ANXA2: variants seen among roughly 807,000 people sequenced by gnomAD.
The protein encoded by ANXA2 is annexin II.
Under a neutral mutation model 47.3 loss-of-function variants are expected in ANXA2, and 28 were observed. The ratio of observed to expected loss-of-function variants is 0.59; its 90% CI spans 0.44 to 0.81. ANXA2 has a LOEUF of 0.81. Ranked by LOEUF, ANXA2 falls within the 40% of genes least tolerant of loss-of-function variation. The pLI is 0.00. For synonymous variants in ANXA2, 172 were observed against 155.5 expected, an observed-to-expected ratio of 1.11 and a Z score of -0.79; for missense variants, 384 against 414.3, an observed-to-expected ratio of 0.93 and a Z score of 0.64.
intron 7 of ANXA2, among the ~76,000 whole-genome samples, chr15:60,354,633 A>AAG (rs1361182451): frequency 1.3e-5 from 2 of 151,142 alleles, no homozygotes; most frequent in African/African-American, 4.9e-5. Flanking sequence ...AAAAAAAAAA[A>AAG]AAAAGAAAGA....
In ANXA2 at chr15:60,361,444, C is replaced by CA. The variant is rs1398699911; in HGVS notation, c.244-391dup. On this transcript the variant is annotated intron_variant, in intron 4 of 12. Transcript: ENST00000451270. ...CCCTGCTAAGAAGGAGATGTTTGAGCAGACAGCCTCCTGGCAAGCAGATCT... is the reference window on the plus strand; with the variant it reads ...CCCTGCTAAGAAGGAGATGTTTGAGCAAGACAGCCTCCTGGCAAGCAGATCT... 1,505 of 186,446 alleles carry CA rather than the reference C, an allele frequency of 8.1e-3. 26 individuals are homozygous for CA. The highest frequency in any genetic ancestry group is 0.033 in the African/African-American group (1,413 of 42,390). 11.5% of individuals were successfully genotyped at this position (186,446 alleles called of 1,614,324 possible). A position where few individuals can be genotyped will look rare whatever the true frequency, so the allele number is the denominator to read the frequency against.
chr15:60,390,677 T>G (rs1375856612), intron 1 of ANXA2: 3 of 235,124 alleles, frequency 1.3e-5, no homozygotes, highest in African/African-American at 6.9e-5. Context: ...AGTGATCCAG[T>G]TCTAAGCATC....
chr15:60,360,856 G>C, intron 5 of ANXA2, 85 bp downstream of exon 5: 1 of 892,564 alleles, frequency 1.1e-6, no homozygotes, highest in South Asian at 1.5e-5. Flanking sequence ...CAACAAAACT[G>C]AAAATCACCA....
chr15:60,374,957 T>C (rs1247911457), intron 3 of ANXA2, among the ~76,000 whole-genome samples: 1 of 152,220 alleles, frequency 6.6e-6, no homozygotes. Flanking sequence ...AGCTCCTCAC[T>C]TGCAGCCCTC....
chr15:60,385,936 T>G, intron 2 of ANXA2, 92 bp downstream of exon 2: 1 of 794,368 alleles, frequency 1.3e-6, no homozygotes, highest in Non-Finnish European at 2.0e-6. Flanking sequence ...TGTCCCCATC[T>G]TCCTTAGATG....
chr15:60,361,136 T>C (rs937741946), intron 4 of ANXA2, 82 bp from the exon 5 acceptor site: 1 of 969,018 alleles, frequency 1.0e-6, no homozygotes, highest in African/African-American at 1.6e-5. Flanking sequence ...GAGGGATCTT[T>C]TTGTGAAGCA....
chr15:60,387,916 G>A lies in ANXA2; in HGVS notation c.-11-1830C>T, dbSNP rs189577427. Among the ~76,000 whole-genome samples the A allele has an allele frequency of 9.9e-5, 15 of 152,268 alleles. No homozygotes were observed. In the South Asian group the frequency reaches 1.5e-3, roughly 15 times the overall value. ...TAAAAATGAAGACAATCGGCCGGGTGCGGTGGCTCACACCTGTAATCCCAG... is the reference window on the plus strand; with the variant it reads ...TAAAAATGAAGACAATCGGCCGGGTACGGTGGCTCACACCTGTAATCCCAG... On this transcript the variant is annotated intron_variant, in intron 1 of 12. Coordinates refer to ENST00000451270, the MANE Select transcript of ANXA2 (RefSeq NM_004039.3).
intron 1 of ANXA2, 21 bp from the exon 2 acceptor site, chr15:60,386,107 AAAGTCTTTATG>A (rs1190375707): frequency 6.3e-7 from 1 of 1,583,622 alleles, no homozygotes; most frequent in African/African-American, 1.3e-5. Context: ...AGTACAACAA[AAAGTCTTTATG>A]AAGAGGCTCT....
Position 60,386,030 on chromosome 15 carries a change from C to T in ANXA2, c.46G>A (p.Asp16Asn). 3.7e-6 allele frequency: 6 copies of T among 1,610,248 alleles called. No homozygotes were observed. The highest frequency in any genetic ancestry group is 5.1e-6 in the Non-Finnish European group (6 of 1,177,880). ...EILCKLSLEG[D>N]HSTPPSAYGS... Reference sequence around the variant, plus strand: ...TAAAGTGAAAGTGATATACTTACATCACCCTCCAAGCTGAGCTTGCACAGG... The same window carrying T: ...TAAAGTGAAAGTGATATACTTACATTACCCTCCAAGCTGAGCTTGCACAGG... The change falls in exon 2 of 13, where the codon GAT becomes AAT. Residue 16 changes from aspartate to asparagine, a missense_variant and splice_region_variant. Transcript: ENST00000451270.
Position 60,347,579 on chromosome 15 carries a change from A to G in ANXA2, c.*51T>C, listed in dbSNP as rs1342977574. ...CGCAAGCTGGTTTTCTAGACCTGTTAGCTGGAAGCATGGTGAGCACCATTT... is the reference window on the plus strand; with the variant it reads ...CGCAAGCTGGTTTTCTAGACCTGTTGGCTGGAAGCATGGTGAGCACCATTT... On this transcript the variant is annotated 3_prime_UTR_variant, in exon 13 of 13. Coordinates refer to ENST00000451270, the MANE Select transcript of ANXA2 (RefSeq NM_004039.3). 6.3e-7 allele frequency: 1 copy of G among 1,588,090 alleles called. No homozygotes were observed. The highest frequency in any genetic ancestry group is 1.3e-5 in the African/African-American group (1 of 74,364).
intron 1 of ANXA2, among the ~76,000 whole-genome samples, chr15:60,387,685 A>C (rs1019116222): frequency 6.6e-6 from 1 of 152,206 alleles, no homozygotes; most frequent in Non-Finnish European, 1.5e-5. Context: ...TGGTGGATGC[A>C]TCTATGTACA....
At chr15:60,365,379 G>C (rs974555332) in intron 3 of ANXA2, among the ~76,000 whole-genome samples, 1 of 152,156 alleles carries the variant, frequency 6.6e-6, no homozygotes, top group African/African-American at 2.4e-5. Flanking sequence ...AGCACAGTTT[G>C]TAAATTCAGA....
rs564741326 is a variant in ANXA2 at position 60,351,213 on chromosome 15, G to A, written c.817C>T (p.Arg273Trp). 1.2e-5 allele frequency: 19 copies of A among 1,614,170 alleles called. No homozygotes were observed. The highest frequency in any genetic ancestry group is 1.1e-4 in the South Asian group (10 of 91,078). Residue 273 changes from arginine to tryptophan, a missense_variant, in exon 11 of 13, where the codon CGG becomes TGG. Physicochemically the swap from Arg to Trp is moderately radical, Grantham distance 101 (BLOSUM62 -3). Coordinates refer to ENST00000451270, the MANE Select transcript of ANXA2 (RefSeq NM_004039.3). ...IQNKPLYFAD[R>W]LYDSMKGKGT... Reference sequence around the variant, plus strand: ...CTTACCTTCATGGAGTCATACAGCCGATCAGCAAAATACAGGGGCTTGTTC... The same window carrying A: ...CTTACCTTCATGGAGTCATACAGCCAATCAGCAAAATACAGGGGCTTGTTC...
At chr15:60,350,619 G>C (rs1247154066) in intron 11 of ANXA2, among the ~76,000 whole-genome samples, 1 of 152,184 alleles carries the variant, frequency 6.6e-6, no homozygotes, top group African/African-American at 2.4e-5. Flanking sequence ...TTGAGGTGTA[G>C]AAAATGGGAT....
At chr15:60,371,581 G>C (rs886612410) in intron 3 of ANXA2, among the ~76,000 whole-genome samples, 8 of 152,148 alleles carry the variant, frequency 5.3e-5, no homozygotes, top group African/African-American at 1.9e-4. Flanking sequence ...GAGACACACT[G>C]ACTGCACAAA....
intron 8 of ANXA2, 128 bp downstream of exon 8, chr15:60,354,026 T>C (rs1036114716): frequency 4.6e-6 from 3 of 656,604 alleles, no homozygotes; most frequent in South Asian, 2.6e-5. Context: ...AACTGAGAAA[T>C]AATACATGTT....
At position 60,364,435 on chromosome 15, in the gene ANXA2, G is replaced by A. The variant is rs1340191115; in HGVS notation, c.237C>T (p.Thr79=). 4 of 1,608,994 alleles carry A rather than the reference G, an allele frequency of 2.5e-6. No homozygotes were observed. The highest frequency in any genetic ancestry group is 3.4e-6 in the Non-Finnish European group (4 of 1,178,382). Residue 79 remains threonine, a synonymous_variant, in exon 4 of 13, where the codon ACC becomes ACT. Coordinates refer to ENST00000451270, the MANE Select transcript of ANXA2 (RefSeq NM_004039.3). ...TCCCTGGAATTGCCTGTACCTTTTT[G>A]GTCCTTCTCTGGTAGGCGAAGGCAA... The part of the protein sequence containing the change: ...QDIAFAYQRR[T]KKELASALKS...
At chr15:60,367,252 G>C (rs1260679121) in intron 3 of ANXA2, among the ~76,000 whole-genome samples, 2 of 111,662 alleles carry the variant, frequency 1.8e-5, no homozygotes, top group African/African-American at 3.5e-5. Context: ...CAGCCGCCCC[G>C]TCCGGGAGGG....
chr15:60,374,857 T>C (rs1305058572), intron 3 of ANXA2, among the ~76,000 whole-genome samples: 1 of 152,176 alleles, frequency 6.6e-6, no homozygotes, highest in Non-Finnish European at 1.5e-5. Context: ...GAAGGGTCCG[T>C]TCCCTCCCGT....
Sources: allele counts gnomAD v4.1 joint callset (sites outside exome capture counted in the v4.1 genomes callset), GRCh38; gene constraint gnomAD v4.1.1; transcripts MANE v1.5; gene names NCBI Gene and HGNC (gene_info 2026-07-23, HGNC 2026-07-21).